The following TMEM38B variants were observed in gnomAD, a reference collection of about 807,000 sequenced individuals.
TMEM38B encodes the protein trimeric intracellular cation channel type B.
Under a neutral mutation model 28.7 loss-of-function variants are expected in TMEM38B, and 24 were observed. The ratio of observed to expected loss-of-function variants is 0.84; its 90% CI spans 0.61 to 1.18. The LOEUF is 1.18. Among genes scored for constraint, TMEM38B ranks in the 50% most tolerant of loss-of-function variants. The probability of loss-of-function intolerance (pLI) is 0.00; values close to 1 mark genes in which losing one functional copy is unlikely to be tolerated. For synonymous variants in TMEM38B, 131 were observed against 127.7 expected, an observed-to-expected ratio of 1.03 and a Z score of -0.17; for missense variants, 380 against 350.9, an observed-to-expected ratio of 1.08 and a Z score of -0.66.
intron 2 of TMEM38B, among the ~76,000 whole-genome samples, chr9:105,716,692 A>T (rs1333900626): frequency 8.5e-6 from 1 of 117,358 alleles, no homozygotes; most frequent in Non-Finnish European, 1.7e-5. Context: ...TAGCAAGACC[A>T]ATCCCTCCTC....
intron 5 of TMEM38B, chr9:105,748,963 T>G (rs1837541538): frequency 1.2e-6 from 1 of 822,952 alleles, no homozygotes. Context: ...AGACTAGATA[T>G]TTTTGGCTAA....
At chr9:105,703,201 G>T (rs2133548985) in intron 1 of TMEM38B, among the ~76,000 whole-genome samples, 1 of 152,248 alleles carries the variant, frequency 6.6e-6, no homozygotes, top group Non-Finnish European at 1.5e-5. Flanking sequence ...ATTTGAGTTG[G>T]AAGCCAGGTG....
intron 4 of TMEM38B, among the ~76,000 whole-genome samples, chr9:105,725,738 G>A (rs1211302229): frequency 1.3e-5 from 2 of 152,040 alleles, no homozygotes; most frequent in Non-Finnish European, 2.9e-5. Flanking sequence ...TGGTCTGAAA[G>A]ATAAAAAATG....
chr9:105,751,785 G>C (rs1837662840), intron 5 of TMEM38B, among the ~76,000 whole-genome samples: 1 of 152,228 alleles, frequency 6.6e-6, no homozygotes, highest in Non-Finnish European at 1.5e-5. Context: ...CAGTCCAGAT[G>C]AGGAAGGGTC....
chr9:105,730,499 C>T (rs892371484), intron 4 of TMEM38B, among the ~76,000 whole-genome samples: 1 of 152,134 alleles, frequency 6.6e-6, no homozygotes, highest in Non-Finnish European at 1.5e-5. Flanking sequence ...TTTTTCCATC[C>T]ATGTTCATCA....
intron 2 of TMEM38B, among the ~76,000 whole-genome samples, chr9:105,712,494 G>C (rs1835941641): frequency 6.6e-6 from 1 of 152,130 alleles, no homozygotes; most frequent in Non-Finnish European, 1.5e-5. Context: ...GCATAATCAT[G>C]GTATAGATCA....
intron 5 of TMEM38B, among the ~76,000 whole-genome samples, chr9:105,756,459 A>C (rs542863399): frequency 1.3e-5 from 2 of 152,296 alleles, no homozygotes; most frequent in African/African-American, 4.8e-5. Flanking sequence ...TTCTACTCCT[A>C]GTTTGCTGAA....
intron 1 of TMEM38B, 39 bp downstream of exon 1, chr9:105,694,811 C>T (rs371255881): frequency 5.3e-6 from 6 of 1,133,762 alleles, no homozygotes; most frequent in Non-Finnish European, 7.3e-6. Flanking sequence ...CCTCAGAGTG[C>T]TCCTGACGGC....
chr9:105,751,251 G>T (rs1023789277), intron 5 of TMEM38B, among the ~76,000 whole-genome samples: 1 of 152,188 alleles, frequency 6.6e-6, no homozygotes, highest in East Asian at 1.9e-4. Context: ...AGTGGGGTGG[G>T]GGACCATGGC....
chr9:105,701,955 C>T (rs1033647587), intron 1 of TMEM38B, among the ~76,000 whole-genome samples: 2 of 152,286 alleles, frequency 1.3e-5, no homozygotes, highest in East Asian at 3.9e-4. Flanking sequence ...TGGCTCACGC[C>T]TGTAATCCCA....
chr9:105,694,698 C>G lies in TMEM38B; in HGVS notation c.38C>G (p.Ser13Cys), dbSNP rs746126399. ...TGGGACGAGTTGGCTCTGGCCTTCTCCCGCACGTCCATGTTTCCCTTTTTT... is the reference window on the plus strand; with the variant it reads ...TGGGACGAGTTGGCTCTGGCCTTCTGCCGCACGTCCATGTTTCCCTTTTTT... ...SPWDELALAF[S>C]RTSMFPFFDI... The change falls in exon 1 of 6, where the codon TCC becomes TGC. Residue 13 changes from serine (S) to cysteine (C), a missense_variant. Coordinates refer to ENST00000374692, the MANE Select transcript of TMEM38B (RefSeq NM_018112.3). 4 of 1,614,036 alleles carry G rather than the reference C, an allele frequency of 2.5e-6. No individual in the cohort carries two copies. The highest frequency in any genetic ancestry group is 1.7e-4 in the Middle Eastern group (1 of 6,046).
At position 105,775,584 on chromosome 9, in the gene TMEM38B, T is replaced by C. The variant is rs866159071; in HGVS notation, c.*1504T>C. 9 of 152,176 alleles carry C rather than the reference T, an allele frequency of 5.9e-5. No individual in the cohort carries two copies. Among genetic ancestry groups the C allele is most frequent in the Middle Eastern group, 3.4e-3 (1 of 294 alleles). 9.4% of individuals were successfully genotyped at this position (152,176 alleles called of 1,614,324 possible). ...AAAAATTGGGAGGGGGCACTTTTCA[T>C]AGTCTTGGAATGCTAAGAAGTTTTA... On this transcript the variant is annotated 3_prime_UTR_variant, in exon 6 of 6. Transcript: ENST00000374692.
At chr9:105,728,555 G>A (rs144855456) in intron 4 of TMEM38B, among the ~76,000 whole-genome samples, 76 of 152,296 alleles carry the variant, frequency 5.0e-4, no homozygotes, top group African/African-American at 1.7e-3. Flanking sequence ...ACATACGTGT[G>A]CATGTGTCTT....
intron 4 of TMEM38B, among the ~76,000 whole-genome samples, chr9:105,736,566 T>C (rs77317752): frequency 6.6e-6 from 1 of 152,236 alleles, no homozygotes; most frequent in Non-Finnish European, 1.5e-5. Context: ...TTCCTTAAGA[T>C]CATTATTTGA....
intron 5 of TMEM38B, among the ~76,000 whole-genome samples, chr9:105,767,266 G>C (rs1826406641): frequency 6.6e-6 from 1 of 151,712 alleles, no homozygotes; most frequent in East Asian, 1.9e-4. Flanking sequence ...TGACCTATGT[G>C]GGTCTATTTC....
intron 4 of TMEM38B, among the ~76,000 whole-genome samples, chr9:105,724,771 T>G (rs1236262473): frequency 6.6e-6 from 1 of 152,240 alleles, no homozygotes; most frequent in Non-Finnish European, 1.5e-5. Context: ...GAAGCTTTGA[T>G]TAACGATAAG....
At chr9:105,711,126 CTT>C (rs1465252779) in intron 2 of TMEM38B, among the ~76,000 whole-genome samples, 7 of 152,132 alleles carry the variant, frequency 4.6e-5, no homozygotes, top group Admixed American at 4.6e-4. Flanking sequence ...AAAATTGTCA[CTT>C]AAATAAATCT....
At chr9:105,749,277 A>T in intron 5 of TMEM38B, 1 of 270,608 alleles carries the variant, frequency 3.7e-6, no homozygotes, top group Non-Finnish European at 6.3e-6. Context: ...TGGGTAATTT[A>T]TAAAGAAAAA....
At position 105,700,722 on chromosome 9, in the gene TMEM38B, C is replaced by G. The variant is rs1432454887; in HGVS notation, c.113-4875C>G. Among the ~76,000 whole-genome samples the G allele has an allele frequency of 4.6e-5, 7 of 152,198 alleles. No individual in the cohort carries two copies. The South Asian group carries it at 1.4e-3, about 32-fold the overall frequency. ...TTGTGGGAGATGAAAGTTTGTAAGT[C>G]TAGGATTTATCAGTTCTGGGCATCC... On this transcript the variant is annotated intron_variant, in intron 1 of 5. Coordinates refer to ENST00000374692, the MANE Select transcript of TMEM38B (RefSeq NM_018112.3).
Sources: allele counts gnomAD v4.1 joint callset (sites outside exome capture counted in the v4.1 genomes callset), GRCh38; gene constraint gnomAD v4.1.1; transcripts MANE v1.5; gene names NCBI Gene and HGNC (gene_info 2026-07-23, HGNC 2026-07-21).